The following PRKCH variants were observed in gnomAD, a reference collection of about 807,000 sequenced individuals.
PRKCH encodes protein kinase C eta, also known as protein kinase C eta type.
PRKCH carries 28 observed loss-of-function variants against 82.5 expected under a neutral mutation model. The ratio of observed to expected loss-of-function variants is 0.34; its 90% CI spans 0.25 to 0.47. PRKCH has a LOEUF of 0.47. PRKCH is among the 20% of genes least tolerant of loss of function. The probability of loss-of-function intolerance (pLI) is 1.00; values close to 1 mark genes in which losing one functional copy is unlikely to be tolerated. For synonymous variants in PRKCH, 322 were observed against 327.4 expected, an observed-to-expected ratio of 0.98 and a Z score of 0.18; for missense variants, 705 against 881.8, an observed-to-expected ratio of 0.80 and a Z score of 2.54.
At chr14:61,243,485 C>T (rs556006806) in intron 1 of PRKCH, among the ~76,000 whole-genome samples, 1 of 151,708 alleles carries the variant, frequency 6.6e-6, no homozygotes, top group South Asian at 2.1e-4. Context: ...TGCAAAGAGC[C>T]TGAGGCATAC....
At chr14:61,388,006 G>T (rs1190902989) in intron 1 of PRKCH, among the ~76,000 whole-genome samples, 2 of 152,130 alleles carry the variant, frequency 1.3e-5, no homozygotes, top group Non-Finnish European at 2.9e-5. Context: ...AAATCAGCCA[G>T]GTGTGGTGAC....
chr14:61,398,572 C>A (rs191277999), intron 2 of PRKCH, among the ~76,000 whole-genome samples: 52 of 152,318 alleles, frequency 3.4e-4, no homozygotes, highest in African/African-American at 1.2e-3. Context: ...AAAAACCAGA[C>A]ATGATGTGTC....
At chr14:61,210,158 ATAT>A (rs549405813) in intron 1 of PRKCH, among the ~76,000 whole-genome samples, 1,189 of 108,530 alleles carry the variant, frequency 0.011, 42 homozygotes, top group Middle Eastern at 0.027. Context: ...ATATATATAT[ATAT>A]AAATTAGCTT....
At chr14:61,272,344 CTT>C (rs1162331604) in intron 1 of PRKCH, among the ~76,000 whole-genome samples, 28 of 23,618 alleles carry the variant, frequency 1.2e-3, no homozygotes, top group African/African-American at 2.4e-3. Context: ...TTTTTTCTTT[CTT>C]TTTTTTTTTT....
intron 12 of PRKCH, among the ~76,000 whole-genome samples, chr14:61,547,324 C>T (rs1460048437): frequency 6.6e-6 from 1 of 152,136 alleles, no homozygotes; most frequent in Non-Finnish European, 1.5e-5. Context: ...TCCTGGCCAG[C>T]TGGTCAGGTC....
chr14:61,319,157 A>ACCTTCCTCAGCTCCAGCCACG (rs879579039), upstream of PRKCH, among the ~76,000 whole-genome samples: 2 of 151,838 alleles, frequency 1.3e-5, no homozygotes, highest in East Asian at 1.9e-4. Context: ...CTCTCCCCTC[A>ACCTTCCTCAGCTCCAGCCACG]CCTTCCTCAG....
intron 9 of PRKCH, among the ~76,000 whole-genome samples, chr14:61,465,827 G>A (rs1885229410): frequency 6.6e-6 from 1 of 152,172 alleles, no homozygotes; most frequent in African/African-American, 2.4e-5. Context: ...ATGTTACGTA[G>A]TTAAATTGTC....
At chr14:61,488,497 G>C (rs971899559) in intron 10 of PRKCH, among the ~76,000 whole-genome samples, 1 of 152,234 alleles carries the variant, frequency 6.6e-6, no homozygotes, top group Non-Finnish European at 1.5e-5. Context: ...AACTGGTAGT[G>C]AAGTCAGAAT....
At chr14:61,341,589 T>C (rs2045930427) in intron 1 of PRKCH, among the ~76,000 whole-genome samples, 1 of 152,120 alleles carries the variant, frequency 6.6e-6, no homozygotes, top group African/African-American at 2.4e-5. Flanking sequence ...CACAGTTTCA[T>C]CATAGGGTAG....
At chr14:61,468,731 A>G (rs1248042736) in intron 9 of PRKCH, among the ~76,000 whole-genome samples, 2 of 152,322 alleles carry the variant, frequency 1.3e-5, no homozygotes, top group East Asian at 1.9e-4. Context: ...TTTGGTAGCC[A>G]TCATTATCAC....
At chr14:61,514,544 G>C (rs183757968) in intron 10 of PRKCH, among the ~76,000 whole-genome samples, 1 of 151,948 alleles carries the variant, frequency 6.6e-6, no homozygotes, top group Non-Finnish European at 1.5e-5. Flanking sequence ...GCAGCTTCAC[G>C]TTGGCTGTAG....
chr14:61,272,344 C>CTTTTTTTTTT (rs1162331604), intron 1 of PRKCH, among the ~76,000 whole-genome samples: 6 of 23,618 alleles, frequency 2.5e-4, no homozygotes, highest in East Asian at 1.1e-3. Context: ...TTTTTTCTTT[C>CTTTTTTTTTT]TTTTTTTTTT....
intron 1 of PRKCH, among the ~76,000 whole-genome samples, chr14:61,324,017 C>T (rs1284739055): frequency 6.6e-6 from 1 of 152,218 alleles, no homozygotes; most frequent in Non-Finnish European, 1.5e-5. Flanking sequence ...CCATAATCTT[C>T]CCACTTGAAT....
intron 1 of PRKCH, among the ~76,000 whole-genome samples, chr14:61,273,836 T>C (rs558310933): frequency 4.9e-4 from 75 of 152,324 alleles, no homozygotes; most frequent in African/African-American, 1.6e-3. Flanking sequence ...TCAACTATCT[T>C]GTAGGAAACA....
At chr14:61,194,041 A>G (rs1280847717) in intron 1 of PRKCH, among the ~76,000 whole-genome samples, 1 of 151,940 alleles carries the variant, frequency 6.6e-6, no homozygotes, top group Non-Finnish European at 1.5e-5. Flanking sequence ...TCTGTCTTTT[A>G]TCCCTCTTTC....
chr14:61,445,816 A>G, intron 4 of PRKCH, 90 bp downstream of exon 4: 1 of 1,315,468 alleles, frequency 7.6e-7, no homozygotes, highest in East Asian at 2.3e-5. Context: ...TCTTCCCTTA[A>G]TATTGTGATA....
intron 10 of PRKCH, among the ~76,000 whole-genome samples, chr14:61,492,692 G>A (rs1886501409): frequency 6.6e-6 from 1 of 152,228 alleles, no homozygotes; most frequent in African/African-American, 2.4e-5. Context: ...TGTTGCATTA[G>A]GAGGTGTAGA....
chr14:61,548,706 A>AG (rs11424841), intron 13 of PRKCH, among the ~76,000 whole-genome samples: 1 of 75,136 alleles, frequency 1.3e-5, no homozygotes, highest in African/African-American at 1.2e-4. Flanking sequence ...CTAAAAATAC[A>AG]AAAAAAAAAA....
At chr14:61,489,456 C>T (rs1385787494) in intron 10 of PRKCH, among the ~76,000 whole-genome samples, 2 of 152,344 alleles carry the variant, frequency 1.3e-5, no homozygotes, top group East Asian at 1.9e-4. Flanking sequence ...GGGCCAGTTA[C>T]GTTTGCACGC....
Sources: allele counts gnomAD v4.1 joint callset (sites outside exome capture counted in the v4.1 genomes callset), GRCh38; gene constraint gnomAD v4.1.1; transcripts MANE v1.5; gene names NCBI Gene and HGNC (gene_info 2026-07-23, HGNC 2026-07-21).